ABCC9: variants seen among roughly 807,000 people sequenced by gnomAD.
ABCC9 encodes ATP-binding cassette sub-family C member 9.
In ABCC9, 95 loss-of-function variants were observed where a neutral mutation model predicts 188.3. The ratio of observed to expected loss-of-function variants is 0.50; its 90% confidence interval spans 0.43 to 0.60. The LOEUF is 0.60. Among genes scored for constraint, ABCC9 ranks in the 20% least tolerant of loss-of-function variants. ABCC9 has a pLI of 0.00. For missense variants in ABCC9, 1,102 were observed against 1,876.3 expected, an observed-to-expected ratio of 0.59 and a Z score of 7.62; for synonymous variants, 659 against 652.7, an observed-to-expected ratio of 1.01 and a Z score of -0.15.
intron 18 of ABCC9, among the ~76,000 whole-genome samples, chr12:21,867,640 A>G (rs1419764724): frequency 1.3e-5 from 2 of 152,156 alleles, no homozygotes; most frequent in Non-Finnish European, 2.9e-5. Flanking sequence ...AGGAAAGCTG[A>G]CTTAATATTA....
chr12:21,836,788 G>A (rs1311355444), intron 30 of ABCC9, among the ~76,000 whole-genome samples: 1 of 152,088 alleles, frequency 6.6e-6, no homozygotes, highest in Non-Finnish European at 1.5e-5. Context: ...AAAAAGTGGG[G>A]GATGAACTGA....
At chr12:21,903,535 T>A (rs537587944) in intron 12 of ABCC9, among the ~76,000 whole-genome samples, 1 of 152,144 alleles carries the variant, frequency 6.6e-6, no homozygotes, top group Non-Finnish European at 1.5e-5. Flanking sequence ...AAAACCCCAA[T>A]GTCTCAGCCC....
chr12:21,937,506 G>T (rs2138084021), intron 2 of ABCC9, among the ~76,000 whole-genome samples: 2 of 152,182 alleles, frequency 1.3e-5, no homozygotes, highest in Admixed American at 1.3e-4. Context: ...GGGCCACTGG[G>T]GATTCCGGGG....
At chr12:21,834,744 G>A (rs1378810475) in intron 30 of ABCC9, among the ~76,000 whole-genome samples, 2 of 147,932 alleles carry the variant, frequency 1.4e-5, no homozygotes, top group Non-Finnish European at 1.5e-5. Context: ...GGCTGAAAAT[G>A]ATATATATAT....
chr12:21,850,291 A>C (rs1330580808), intron 24 of ABCC9, among the ~76,000 whole-genome samples: 1 of 152,010 alleles, frequency 6.6e-6, no homozygotes, highest in Non-Finnish European at 1.5e-5. Flanking sequence ...AAGTAAACCG[A>C]AATCTGTTTG....
In ABCC9 at chr12:21,845,681, CG is replaced by C. The variant is rs777605277; in HGVS notation, c.3017del (p.Ser1006TrpfsTer4). Reference sequence around the variant, plus strand: ...GCCAATAGTCTATAGCTACAATGACCGAATGCTTCAAAAGCTTAGAGAAAAT... The same window carrying C: ...GCCAATAGTCTATAGCTACAATGACCAATGCTTCAAAAGCTTAGAGAAAAT... ...LMIFSKLLKH[S>X]VIVAIDYWLA... On this transcript the variant is annotated frameshift_variant, in exon 26 of 40. Transcript: ENST00000261200. LOFTEE classifies it high-confidence loss of function. The C allele has an allele frequency of 1.9e-6, 3 of 1,613,776 alleles. No individual in the cohort carries two copies. The highest frequency in any genetic ancestry group is 2.5e-6 in the Non-Finnish European group (3 of 1,179,804).
rs970295167 is a variant in ABCC9 at position 21,810,598 on chromosome 12, AACTC to A, written c.4212-647_4212-644del. 4.4e-4 allele frequency among the ~76,000 whole-genome samples: 67 copies of A among 152,198 alleles called. 1 individual carries two copies. The highest frequency in any genetic ancestry group is 1.5e-3 in the African/African-American group (64 of 41,546). On this transcript the variant is annotated intron_variant, in intron 36 of 39. Transcript: ENST00000261200. The stretch of plus-strand genomic sequence containing the variant: ...TTATAAAACCATCAGATCTCATGAG[AACTC>A]ACTCACTATTATGAGAACAGCATGG...
At chr12:21,852,253 A>G in intron 23 of ABCC9, 31 bp from the exon 24 acceptor site, 1 of 1,613,758 alleles carries the variant, frequency 6.2e-7, no homozygotes, top group Admixed American at 1.7e-5. Context: ...CAGAAATGTG[A>G]CGAAAAGCCT....
intron 14 of ABCC9, among the ~76,000 whole-genome samples, chr12:21,893,609 T>C (rs887906854): frequency 2.0e-5 from 3 of 152,128 alleles, no homozygotes; most frequent in Admixed American, 6.5e-5. Context: ...GAGAAAATCA[T>C]CAGAGAAAAG....
chr12:21,876,162 T>C (rs1277779381), intron 16 of ABCC9, among the ~76,000 whole-genome samples: 2 of 152,194 alleles, frequency 1.3e-5, no homozygotes, highest in African/African-American at 4.8e-5. Flanking sequence ...TTTAGTGGTA[T>C]AAATGAAAAA....
At chr12:21,872,399 C>G (rs1318765173) in intron 18 of ABCC9, among the ~76,000 whole-genome samples, 1 of 152,128 alleles carries the variant, frequency 6.6e-6, no homozygotes, top group Non-Finnish European at 1.5e-5. Context: ...ACTTTTGTCT[C>G]AGCAATATAC....
At chr12:21,902,587 C>T (rs867444720) in intron 12 of ABCC9, among the ~76,000 whole-genome samples, 26 of 152,054 alleles carry the variant, frequency 1.7e-4, no homozygotes, top group African/African-American at 4.1e-4. Context: ...ATCAAATAGA[C>T]GCAAAAATAA....
intron 14 of ABCC9, among the ~76,000 whole-genome samples, chr12:21,889,616 A>G (rs941626722): frequency 6.6e-6 from 1 of 152,196 alleles, no homozygotes; most frequent in African/African-American, 2.4e-5. Flanking sequence ...GAATAAATCA[A>G]TGATTCTGAC....
intron 5 of ABCC9, among the ~76,000 whole-genome samples, chr12:21,919,544 A>G (rs1347271143): frequency 6.6e-6 from 1 of 152,004 alleles, no homozygotes; most frequent in Non-Finnish European, 1.5e-5. Flanking sequence ...CTAAATTATA[A>G]TAAAATTTAG....
At chr12:21,933,053 GA>G (rs975762143) in intron 4 of ABCC9, among the ~76,000 whole-genome samples, 2 of 104,494 alleles carry the variant, frequency 1.9e-5, no homozygotes, top group African/African-American at 7.1e-5. Flanking sequence ...TATGCAGCCA[GA>G]AAAAAACAAG....
chr12:21,803,479 A>C (rs112508660), intron 39 of ABCC9, among the ~76,000 whole-genome samples: 8 of 151,970 alleles, frequency 5.3e-5, no homozygotes, highest in African/African-American at 1.9e-4. Context: ...AAAATGAAGA[A>C]ACCCCATCTC....
At chr12:21,911,517 A>G (rs1210353869) in intron 8 of ABCC9, among the ~76,000 whole-genome samples, 2 of 152,024 alleles carry the variant, frequency 1.3e-5, no homozygotes, top group Non-Finnish European at 2.9e-5. Context: ...ATAACTTACA[A>G]AATTTTGTTT....
At chr12:21,902,350 G>T (rs984232510) in intron 12 of ABCC9, among the ~76,000 whole-genome samples, 3 of 152,190 alleles carry the variant, frequency 2.0e-5, no homozygotes, top group Non-Finnish European at 4.4e-5. Context: ...AAGCAGGAAA[G>T]ATCTAAAACG....
intron 14 of ABCC9, among the ~76,000 whole-genome samples, chr12:21,891,693 A>G (rs909412913): frequency 7.2e-5 from 11 of 152,324 alleles, no homozygotes; most frequent in Non-Finnish European, 7.3e-5. Flanking sequence ...CAAGTTTGAC[A>G]GTGTGCTTTA....
Sources: gnomAD v4.1 joint callset for allele counts (sites outside exome capture counted in the v4.1 genomes callset) on GRCh38, gnomAD v4.1.1 for gene constraint, MANE v1.5 for transcripts, NCBI Gene and HGNC (gene_info 2026-07-23, HGNC 2026-07-21) for gene names.